SGCZ: variants seen among roughly 807,000 people sequenced by gnomAD.
SGCZ encodes the protein zeta-sarcoglycan.
In SGCZ, 40 loss-of-function variants were observed where a neutral mutation model predicts 41.3. The observed-to-expected ratio is 0.97, with a 90% CI of 0.75 to 1.26. The LOEUF (loss-of-function observed/expected upper bound fraction) is 1.26, where lower values mean the gene tolerates loss of function less well. Among genes scored for constraint, SGCZ ranks in the 50% most tolerant of loss-of-function variants. The pLI is 0.00. For missense variants in SGCZ, 552 were observed against 369.8 expected (o/e 1.49, Z -4.04); for synonymous variants, 206 against 137.5 (o/e 1.50, Z -3.49).
intron 2 of SGCZ, among the ~76,000 whole-genome samples, chr8:14,491,269 TCACC>T (rs1201680804): frequency 6.6e-6 from 1 of 150,642 alleles, no homozygotes; most frequent in African/African-American, 2.5e-5. Context: ...ACACACACAC[TCACC>T]CACCCACCCA....
chr8:14,131,234 C>T (rs1224305344), intron 5 of SGCZ, among the ~76,000 whole-genome samples: 1 of 152,080 alleles, frequency 6.6e-6, no homozygotes, highest in Admixed American at 6.6e-5. Context: ...TACAGAAATC[C>T]AGGGTGGCAC....
At chr8:14,525,164 ATAGAT>A (rs1802906558) in intron 2 of SGCZ, among the ~76,000 whole-genome samples, 1 of 109,404 alleles carries the variant, frequency 9.1e-6, no homozygotes, top group African/African-American at 6.5e-5. Context: ...AGATAGATAG[ATAGAT>A]AGATAGATAG....
intron 3 of SGCZ, among the ~76,000 whole-genome samples, chr8:14,277,559 G>A (rs1458320783): frequency 6.6e-6 from 1 of 152,112 alleles, no homozygotes; most frequent in Non-Finnish European, 1.5e-5. Context: ...ATGGATAATT[G>A]CAAAGTCAAT....
At chr8:14,799,833 G>A (rs1440177204) in intron 1 of SGCZ, among the ~76,000 whole-genome samples, 12 of 151,960 alleles carry the variant, frequency 7.9e-5, no homozygotes, top group African/African-American at 2.7e-4. Context: ...ACATAACCTA[G>A]CAAATGTAGT....
At chr8:14,736,229 A>G (rs1416014145) in intron 1 of SGCZ, among the ~76,000 whole-genome samples, 2 of 152,056 alleles carry the variant, frequency 1.3e-5, no homozygotes, top group Non-Finnish European at 2.9e-5. Context: ...TGTTCTTCTG[A>G]TTTCAAAATC....
At chr8:14,546,884 T>A (rs1356213740) in intron 2 of SGCZ, among the ~76,000 whole-genome samples, 1 of 152,150 alleles carries the variant, frequency 6.6e-6, no homozygotes, top group Non-Finnish European at 1.5e-5. Flanking sequence ...TTTACTCTTG[T>A]TCATCAGTGT....
At chr8:15,147,600 A>C (rs2117010710) in intron 1 of SGCZ, among the ~76,000 whole-genome samples, 1 of 152,170 alleles carries the variant, frequency 6.6e-6, no homozygotes, top group Admixed American at 6.5e-5. Context: ...TTATTGGGTT[A>C]ATTTAGTGAT....
At chr8:15,069,249 G>C (rs1422256662) in intron 1 of SGCZ, among the ~76,000 whole-genome samples, 1 of 152,026 alleles carries the variant, frequency 6.6e-6, no homozygotes, top group African/African-American at 2.4e-5. Context: ...GCCCAGGTTG[G>C]TCTCAAACTC....
chr8:14,885,987 A>ATT (rs1804779840), intron 1 of SGCZ, among the ~76,000 whole-genome samples: 1 of 11,038 alleles, frequency 9.1e-5, no homozygotes, highest in African/African-American at 3.4e-4. Context: ...ACTTTATGTT[A>ATT]TATATATATA....
chr8:14,236,265 G>T (rs1050391255), intron 4 of SGCZ, among the ~76,000 whole-genome samples: 1 of 152,012 alleles, frequency 6.6e-6, no homozygotes, highest in South Asian at 2.1e-4. Context: ...TTTGCTAATA[G>T]CACCCCTCTA....
At chr8:14,737,157 A>G (rs1799063524) in intron 1 of SGCZ, among the ~76,000 whole-genome samples, 1 of 149,194 alleles carries the variant, frequency 6.7e-6, no homozygotes, top group South Asian at 2.1e-4. Context: ...ATATATATCT[A>G]TATACCAGAT....
chr8:15,105,455 G>A lies in SGCZ; in HGVS notation c.39+132130C>T, dbSNP rs118004265. Among the ~76,000 whole-genome samples, 201 of 152,268 alleles carry A rather than the reference G, an allele frequency of 1.3e-3. 2 individuals carry two copies. In the East Asian group the frequency reaches 0.035, roughly 27 times the overall value. Reference sequence around the variant, plus strand: ...CAGGAAACGTACAATCAAGGCAGAAGGTGAGGGGGAAGTAAGCACGTCTTA... The same window carrying A: ...CAGGAAACGTACAATCAAGGCAGAAAGTGAGGGGGAAGTAAGCACGTCTTA... On this transcript the variant is annotated intron_variant, in intron 1 of 7. Coordinates refer to ENST00000382080, the MANE Select transcript of SGCZ (RefSeq NM_139167.4).
At chr8:14,490,133 T>G (rs996733500) in intron 2 of SGCZ, among the ~76,000 whole-genome samples, 9 of 152,180 alleles carry the variant, frequency 5.9e-5, no homozygotes, top group African/African-American at 2.2e-4. Context: ...TCAAAAGTTC[T>G]GGGATTACAG....
intron 1 of SGCZ, among the ~76,000 whole-genome samples, chr8:14,701,593 T>C (rs1352863658): frequency 6.6e-6 from 1 of 151,982 alleles, no homozygotes; most frequent in Non-Finnish European, 1.5e-5. Flanking sequence ...AGCATTATGT[T>C]TGTCAACAAA....
chr8:14,615,929 A>C (rs1312749915), intron 1 of SGCZ, among the ~76,000 whole-genome samples: 1 of 152,180 alleles, frequency 6.6e-6, no homozygotes, highest in Non-Finnish European at 1.5e-5. Context: ...ACTTAGAATA[A>C]GTTCTGGCCA....
At chr8:14,137,385 C>G (rs1441569778) in intron 5 of SGCZ, among the ~76,000 whole-genome samples, 1 of 152,170 alleles carries the variant, frequency 6.6e-6, no homozygotes, top group African/African-American at 2.4e-5. Flanking sequence ...CTCCTCCGAG[C>G]TAAAGGAGGA....
At chr8:15,186,697 T>C (rs1367630056) in intron 1 of SGCZ, among the ~76,000 whole-genome samples, 1 of 152,202 alleles carries the variant, frequency 6.6e-6, no homozygotes, top group Admixed American at 6.5e-5. Context: ...ATTTATTGAG[T>C]GCATGAAGGG....
At position 15,226,421 on chromosome 8, in the gene SGCZ, A is replaced by T. The variant is rs116169718; in HGVS notation, c.39+11164T>A. On this transcript the variant is annotated intron_variant, in intron 1 of 7. Coordinates refer to ENST00000382080, the MANE Select transcript of SGCZ (RefSeq NM_139167.4). ...AGATAGAAAATCAAAATTGATCATT[A>T]TTATCTCCAAATAATCTGTGGTTCT... 3.0e-3 allele frequency among the ~76,000 whole-genome samples: 455 copies of T among 152,336 alleles called. 1 individual carries two copies. The highest frequency in any genetic ancestry group is 0.011 in the African/African-American group (442 of 41,588).
chr8:15,109,199 C>A (rs971920870), intron 1 of SGCZ, among the ~76,000 whole-genome samples: 3 of 152,156 alleles, frequency 2.0e-5, no homozygotes, highest in African/African-American at 7.2e-5. Context: ...GAAACCACAG[C>A]AAAGAAGACA....
Sources: allele counts gnomAD v4.1 joint callset (sites outside exome capture counted in the v4.1 genomes callset), GRCh38; gene constraint gnomAD v4.1.1; transcripts MANE v1.5; gene names NCBI Gene and HGNC (gene_info 2026-07-23, HGNC 2026-07-21).